TRIM2: variants seen among roughly 807,000 people sequenced by gnomAD.
TRIM2 encodes the protein tripartite motif containing 2, also known as tripartite motif-containing protein 2.
A neutral mutation model predicts 75.2 loss-of-function variants in TRIM2; 20 were observed. The ratio of observed to expected loss-of-function variants is 0.27; its 90% CI spans 0.19 to 0.39. The LOEUF is 0.39. Among genes scored for constraint, TRIM2 ranks in the 10% least tolerant of loss-of-function variants. The pLI is 1.00. For synonymous variants in TRIM2, 373 were observed against 388.3 expected (o/e 0.96, Z 0.46); for missense variants, 660 against 990.8 (o/e 0.67, Z 4.48).
chr4:153,266,974 T>C (rs1755330654), intron 1 of TRIM2: 1 of 150,476 alleles, frequency 6.6e-6, no homozygotes, highest in African/African-American at 2.4e-5. Flanking sequence ...CTGGTTGTGA[T>C]CGGTTACCTG....
intron 1 of TRIM2, among the ~76,000 whole-genome samples, chr4:153,253,690 G>A (rs775619232): frequency 1.3e-4 from 20 of 152,230 alleles, no homozygotes; most frequent in Non-Finnish European, 2.6e-4. Context: ...TAAAGGAGCC[G>A]GCCCAAACCC....
intron 3 of TRIM2, 38 bp from the exon 4 acceptor site, chr4:153,292,944 T>C (rs1224050829): frequency 1.3e-6 from 2 of 1,549,452 alleles, no homozygotes; most frequent in Non-Finnish European, 1.8e-6. Flanking sequence ...CCTCAACCCA[T>C]GGCCCAGAAC....
chr4:153,308,712 G>A (rs151076400), intron 6 of TRIM2: 11 of 556,478 alleles, frequency 2.0e-5, no homozygotes, highest in African/African-American at 1.7e-4. Context: ...GGAGTGTAGA[G>A]TGTTCACCCT....
Position 153,334,729 on chromosome 4 carries a change from CA to C in TRIM2, c.2164-84del, listed in dbSNP as rs1194111481. On this transcript the variant is annotated intron_variant, in intron 11 of 11. Transcript: ENST00000338700. ...AAAAAGAAAGAAAGAAACAGAAAAACATTAGCATCAAGAGTTTTCTAACCCA... is the reference window on the plus strand; with the variant it reads ...AAAAAGAAAGAAAGAAACAGAAAAACTTAGCATCAAGAGTTTTCTAACCCA... The C allele has an allele frequency of 6.5e-5, 81 of 1,248,540 alleles. 1 individual carries two copies. The highest frequency in any genetic ancestry group is 8.3e-5 in the Non-Finnish European group (75 of 901,672). The allele number at this position is 1,248,540 out of a possible 1,614,324, so 77.3% of individuals were successfully genotyped here.
chr4:153,267,666 T>TAATAAAG (rs1175722662), intron 1 of TRIM2, among the ~76,000 whole-genome samples: 1 of 152,090 alleles, frequency 6.6e-6, no homozygotes, highest in East Asian at 1.9e-4. Context: ...ATAATAGTAA[T>TAATAAAG]AATAAAGAAT....
At chr4:153,213,008 C>A (rs935951129) in intron 1 of TRIM2, among the ~76,000 whole-genome samples, 3 of 152,178 alleles carry the variant, frequency 2.0e-5, no homozygotes, top group Non-Finnish European at 4.4e-5. Flanking sequence ...GCCTGGGAAG[C>A]TTTGTGTGCA....
intron 6 of TRIM2, among the ~76,000 whole-genome samples, chr4:153,302,166 C>A (rs1263785643): frequency 1.3e-5 from 2 of 152,018 alleles, no homozygotes; most frequent in African/African-American, 2.4e-5. Flanking sequence ...TTATAGTTTT[C>A]TGTGTACAGA....
Position 153,279,709 on chromosome 4 carries a change from G to A in TRIM2, c.453+3579G>A, listed in dbSNP as rs183932573. ...TATAATCTCAGCACTTTGGGAGGCC[G>A]AGACAGGTGGATCACCTGAGGTCAG... On this transcript the variant is annotated intron_variant, in intron 3 of 11. Transcript: ENST00000338700. 7.5e-3 allele frequency among the ~76,000 whole-genome samples: 1,145 copies of A among 152,216 alleles called. 15 individuals are homozygous for A. Among genetic ancestry groups the A allele is most frequent in the African/African-American group, 0.025 (1,038 of 41,538 alleles).
intron 6 of TRIM2, chr4:153,309,577 T>C (rs1409784567): frequency 6.6e-6 from 1 of 152,180 alleles, no homozygotes; most frequent in Non-Finnish European, 1.5e-5. Context: ...CTTGGCTCAG[T>C]TTCATCTTGT....
intron 1 of TRIM2, among the ~76,000 whole-genome samples, chr4:153,190,151 C>T (rs547185286): frequency 1.6e-4 from 24 of 152,272 alleles, no homozygotes; most frequent in African/African-American, 5.8e-4. Flanking sequence ...GTTAGTTTCT[C>T]AGGAAAGCTA....
intron 1 of TRIM2, among the ~76,000 whole-genome samples, chr4:153,166,698 A>G (rs1450999735): frequency 6.6e-6 from 1 of 152,096 alleles, no homozygotes. Context: ...ACAGAGGCTT[A>G]TGCCACCATG....
Position 153,336,438 on chromosome 4 carries a change from T to TATAA in TRIM2, c.*1475_*1478dup. 1 of 985,174 alleles carries TATAA rather than the reference T, an allele frequency of 1.0e-6. No homozygotes were observed. Among genetic ancestry groups the TATAA allele is most frequent in the Non-Finnish European group, 1.2e-6 (1 of 829,594 alleles). 61.0% of individuals were successfully genotyped at this position (985,174 alleles called of 1,614,324 possible). A position where few individuals can be genotyped will look rare whatever the true frequency, so the allele number is the denominator to read the frequency against. ...GAACTTGAGTTACATTTAATTTAAATATAAATGCATTTTGAGAAATGTTAA... is the reference window on the plus strand; with the variant it reads ...GAACTTGAGTTACATTTAATTTAAATATAAATAAATGCATTTTGAGAAATGTTAA... On this transcript the variant is annotated 3_prime_UTR_variant, in exon 12 of 12. Transcript: ENST00000338700.
chr4:153,312,400 A>G (rs1332435863), intron 6 of TRIM2, among the ~76,000 whole-genome samples: 10 of 152,090 alleles, frequency 6.6e-5, no homozygotes, highest in African/African-American at 1.9e-4. Flanking sequence ...GGCGAAGGAC[A>G]TGAACAGACA....
At chr4:153,313,627 C>CTTTTTTTTTT (rs398051309) in intron 6 of TRIM2, among the ~76,000 whole-genome samples, 22 of 98,524 alleles carry the variant, frequency 2.2e-4, no homozygotes, top group African/African-American at 9.0e-4. Context: ...AGCAATGGCT[C>CTTTTTTTTTT]TTTTTTTTTT....
chr4:153,319,574 CAA>C, intron 8 of TRIM2, among the ~76,000 whole-genome samples: 1 of 151,928 alleles, frequency 6.6e-6, no homozygotes, highest in South Asian at 2.1e-4. Flanking sequence ...ACTAAAAACA[CAA>C]AAAATTATCT....
intron 1 of TRIM2, among the ~76,000 whole-genome samples, chr4:153,197,955 C>G (rs902440178): frequency 1.3e-5 from 2 of 152,136 alleles, no homozygotes; most frequent in East Asian, 3.9e-4. Flanking sequence ...AGACAGCTGC[C>G]TCTTAATGAG....
intron 1 of TRIM2, among the ~76,000 whole-genome samples, chr4:153,242,504 G>A (rs73854615): frequency 5.3e-4 from 80 of 152,134 alleles, no homozygotes; most frequent in African/African-American, 1.7e-3. Flanking sequence ...CCTGCTGTTC[G>A]ACCTTGGTGT....
chr4:153,179,444 C>A (rs1731820039), intron 1 of TRIM2, among the ~76,000 whole-genome samples: 1 of 151,914 alleles, frequency 6.6e-6, no homozygotes, highest in African/African-American at 2.4e-5. Flanking sequence ...TAATTCACAG[C>A]CTCCCAGACT....
intron 8 of TRIM2, among the ~76,000 whole-genome samples, chr4:153,317,194 A>T (rs1767849618): frequency 6.6e-6 from 1 of 150,858 alleles, no homozygotes; most frequent in African/African-American, 2.4e-5. Context: ...TATGCCTTAT[A>T]TATTTCCCTG....
Sources: gnomAD v4.1 joint callset for allele counts (sites outside exome capture counted in the v4.1 genomes callset) on GRCh38, gnomAD v4.1.1 for gene constraint, MANE v1.5 for transcripts, NCBI Gene and HGNC (gene_info 2026-07-23, HGNC 2026-07-21) for gene names.